The following PEMT variants were observed in gnomAD, a reference collection of about 807,000 sequenced individuals.
The protein encoded by PEMT is phospholipid methyltransferase.
A neutral mutation model predicts 27.4 loss-of-function variants in PEMT; 23 were observed. The observed-to-expected ratio is 0.84, with a 90% CI of 0.60 to 1.19. The LOEUF is 1.19. Among genes scored for constraint, PEMT ranks in the 50% most tolerant of loss-of-function variants. PEMT has a pLI of 0.00. For missense variants in PEMT, 307 were observed against 310.1 expected (o/e 0.99, Z 0.07); for synonymous variants, 137 against 139.1 (o/e 0.98, Z 0.11).
intron 2 of PEMT, among the ~76,000 whole-genome samples, chr17:17,529,661 G>C (rs888760023): frequency 9.2e-5 from 14 of 152,206 alleles, no homozygotes; most frequent in African/African-American, 3.1e-4. Flanking sequence ...ATGGCACAGC[G>C]GGGGACACTC....
intron 2 of PEMT, among the ~76,000 whole-genome samples, chr17:17,535,567 GAAAA>G (rs35903619): frequency 7.1e-6 from 1 of 141,464 alleles, no homozygotes. Context: ...TCCGTCTCAA[GAAAA>G]AAAAAAAAAA....
chr17:17,518,013 C>T (rs930124409), intron 3 of PEMT: 35 of 985,526 alleles, frequency 3.6e-5, no homozygotes, highest in African/African-American at 3.5e-4. Flanking sequence ...AGCCACACTC[C>T]GAGGCCAGGA....
intron 2 of PEMT, among the ~76,000 whole-genome samples, chr17:17,526,124 A>T (rs768685796): frequency 6.6e-6 from 1 of 152,164 alleles, no homozygotes; most frequent in Non-Finnish European, 1.5e-5. Context: ...TGTTTGCTCC[A>T]TTCAGTAGCC....
chr17:17,550,241 G>A (rs1228541488), intron 2 of PEMT, among the ~76,000 whole-genome samples: 1 of 152,224 alleles, frequency 6.6e-6, no homozygotes, highest in Non-Finnish European at 1.5e-5. Context: ...CCCAAAGGGA[G>A]GGACAGGACA....
intron 2 of PEMT, among the ~76,000 whole-genome samples, chr17:17,553,552 A>G (rs966094690): frequency 4.6e-5 from 7 of 151,634 alleles, no homozygotes; most frequent in African/African-American, 1.5e-4. Flanking sequence ...GATCCCCCCA[A>G]CTCTGCACTT....
At chr17:17,568,813 C>CCACAA (rs748343870) in intron 2 of PEMT, among the ~76,000 whole-genome samples, 20 of 152,248 alleles carry the variant, frequency 1.3e-4, no homozygotes, top group Non-Finnish European at 2.6e-4. Flanking sequence ...GCAGGAGCAC[C>CCACAA]CACACCTTTT....
chr17:17,554,464 G>A (rs558691990), intron 2 of PEMT, among the ~76,000 whole-genome samples: 5 of 152,224 alleles, frequency 3.3e-5, no homozygotes, highest in Non-Finnish European at 5.9e-5. Context: ...GGCCAACAGC[G>A]TGGGCAGCTT....
Position 17,522,396 on chromosome 17 carries a change from C to T in PEMT, c.205-1G>A. Reference sequence around the variant, plus strand: ...GGGTCTTGTGTTCCCATCGTGCAACCTAAACCGTGAGCAGAGAACAAGAAC... The same window carrying T: ...GGGTCTTGTGTTCCCATCGTGCAACTTAAACCGTGAGCAGAGAACAAGAAC... On this transcript the variant is annotated splice_acceptor_variant, in intron 2 of 6. Coordinates refer to ENST00000255389, the MANE Select transcript of PEMT (RefSeq NM_148172.3). LOFTEE classifies it high-confidence loss of function. The T allele has an allele frequency of 6.3e-7, 1 of 1,583,546 alleles. No homozygotes were observed. The highest frequency in any genetic ancestry group is 1.1e-5 in the South Asian group (1 of 90,464).
chr17:17,567,558 C>T (rs1424025526), intron 2 of PEMT, among the ~76,000 whole-genome samples: 1 of 152,268 alleles, frequency 6.6e-6, no homozygotes, highest in African/African-American at 2.4e-5. Context: ...GACCCAACAT[C>T]AAGGGGCCAG....
intron 2 of PEMT, among the ~76,000 whole-genome samples, chr17:17,556,349 C>G (rs1283750094): frequency 1.3e-5 from 2 of 151,592 alleles, no homozygotes; most frequent in Non-Finnish European, 2.9e-5. Context: ...GGGAGCCTTC[C>G]TTCCTTCCTT....
At chr17:17,580,472 G>A (rs1314850256) in intron 1 of PEMT, among the ~76,000 whole-genome samples, 5 of 151,602 alleles carry the variant, frequency 3.3e-5, no homozygotes, top group Non-Finnish European at 5.9e-5. Flanking sequence ...ACGAGACTCC[G>A]TCTCAAAAAA....
intron 2 of PEMT, among the ~76,000 whole-genome samples, chr17:17,535,338 C>T (rs1039150684): frequency 3.3e-5 from 5 of 152,080 alleles, no homozygotes; most frequent in African/African-American, 1.2e-4. Context: ...GAGGCCGAGG[C>T]GGGTGGATCA....
In PEMT at chr17:17,552,742, G is replaced by A. The variant is rs117882705; in HGVS notation, c.204+24178C>T. ...TTTTTAATCACTCTGCTGTCGTTTC[G>A]ACATGGAGACCCAAGATCTAAAATT... On this transcript the variant is annotated intron_variant, in intron 2 of 6. Transcript: ENST00000255389. Among the ~76,000 whole-genome samples, 727 of 152,356 alleles carry A rather than the reference G, an allele frequency of 4.8e-3. 3 individuals are homozygous for A. The highest frequency in any genetic ancestry group is 8.2e-3 in the Non-Finnish European group (556 of 68,040).
intron 2 of PEMT, among the ~76,000 whole-genome samples, chr17:17,565,768 AG>A (rs1470282535): frequency 6.6e-6 from 1 of 152,268 alleles, no homozygotes; most frequent in East Asian, 1.9e-4. Flanking sequence ...CAGCTACAGA[AG>A]TACTCTCCAA....
intron 2 of PEMT, among the ~76,000 whole-genome samples, chr17:17,555,115 G>T (rs1909958814): frequency 6.6e-6 from 1 of 152,062 alleles, no homozygotes. Flanking sequence ...CCTACAAGCA[G>T]GTACTCCCAC....
At chr17:17,571,304 C>T (rs1911178188) in intron 2 of PEMT, among the ~76,000 whole-genome samples, 1 of 152,044 alleles carries the variant, frequency 6.6e-6, no homozygotes, top group South Asian at 2.1e-4. Flanking sequence ...AGAAAAGCAT[C>T]GTGGCGCACA....
chr17:17,562,445 C>T (rs762813546), intron 2 of PEMT, among the ~76,000 whole-genome samples: 1 of 152,094 alleles, frequency 6.6e-6, no homozygotes, highest in Non-Finnish European at 1.5e-5. Flanking sequence ...CGGGCTGTCC[C>T]GCCCCTCAAG....
chr17:17,526,865 G>A (rs1907706993), intron 2 of PEMT, among the ~76,000 whole-genome samples: 1 of 152,080 alleles, frequency 6.6e-6, no homozygotes, highest in Non-Finnish European at 1.5e-5. Flanking sequence ...CTCAAATCTT[G>A]GCAATGAACA....
At chr17:17,588,230 GAGTAACTCAT>G (rs1406827305) in intron 1 of PEMT, among the ~76,000 whole-genome samples, 1 of 152,190 alleles carries the variant, frequency 6.6e-6, no homozygotes, top group African/African-American at 2.4e-5. Flanking sequence ...AAACACCACA[GAGTAACTCAT>G]CTAATATAAC....
Sources: gnomAD v4.1 joint callset for allele counts (sites outside exome capture counted in the v4.1 genomes callset) on GRCh38, gnomAD v4.1.1 for gene constraint, MANE v1.5 for transcripts, NCBI Gene and HGNC (gene_info 2026-07-23, HGNC 2026-07-21) for gene names.